The following IFT122 variants were observed in gnomAD, a reference collection of about 807,000 sequenced individuals.
The protein encoded by IFT122 is intraflagellar transport 122.
In IFT122, 118 loss-of-function variants were observed where a neutral mutation model predicts 161.6. That is an observed-to-expected ratio of 0.73 (90% CI 0.63 to 0.85). The LOEUF (loss-of-function observed/expected upper bound fraction) is 0.85. IFT122 is among the 40% of genes least tolerant of loss of function. The pLI is 0.00. For missense variants in IFT122, 1,381 were observed against 1,579.6 expected, an observed-to-expected ratio of 0.87 and a Z score of 2.13; for synonymous variants, 550 against 602.4, an observed-to-expected ratio of 0.91 and a Z score of 1.27.
In IFT122 at chr3:129,488,397, G is replaced by A. The variant is rs535606113; in HGVS notation, c.1992G>A (p.Lys664=). 4.0e-5 allele frequency: 64 copies of A among 1,614,138 alleles called. No homozygotes were observed. Among genetic ancestry groups the A allele is most frequent in the Non-Finnish European group, 4.9e-5 (58 of 1,180,022 alleles). Residue 664 remains lysine, a splice_region_variant and synonymous_variant, in exon 16 of 30, where the codon AAG becomes AAA. Coordinates refer to ENST00000348417, the MANE Select transcript of IFT122 (RefSeq NM_052989.3). The part of the protein sequence containing the change: ...LEGLDFETAK[K]AFIRVQDLRY... ...GTTTAGATTTTGAAACAGCAAAGAAGGTAAGCATCTAGCCAGCAGGAGCTG... is the reference window on the plus strand; with the variant it reads ...GTTTAGATTTTGAAACAGCAAAGAAAGTAAGCATCTAGCCAGCAGGAGCTG...
intron 3 of IFT122, among the ~76,000 whole-genome samples, chr3:129,453,512 C>G (rs2075099693): frequency 6.6e-6 from 1 of 152,102 alleles, no homozygotes; most frequent in Non-Finnish European, 1.5e-5. Context: ...GTGATTGTGT[C>G]TTTTTCTCCA....
intron 17 of IFT122, among the ~76,000 whole-genome samples, chr3:129,493,202 A>G (rs1049328992): frequency 1.3e-5 from 2 of 152,132 alleles, no homozygotes; most frequent in Non-Finnish European, 2.9e-5. Context: ...TCCTGAACAT[A>G]TTTATTGTGA....
chr3:129,501,202 GCA>G (rs577376107), intron 19 of IFT122, among the ~76,000 whole-genome samples: 95 of 152,232 alleles, frequency 6.2e-4, no homozygotes, highest in African/African-American at 2.0e-3. Flanking sequence ...TCAAGCATGT[GCA>G]CACACACGTG....
rs1166749895 is a variant in IFT122, at chr3:129,463,611, A to G, written c.401A>G (p.Lys134Arg). Reference protein sequence around the residue: ...KSVSKHKSSSKIICCSWTNDG... With the variant: ...KSVSKHKSSSRIICCSWTNDG... Reference sequence around the variant, plus strand: ...GTCTCCAAACACAAATCAAGCAGCAAGATCATCTGCTGCAGGTAAGTGCAG... The same window carrying G: ...GTCTCCAAACACAAATCAAGCAGCAGGATCATCTGCTGCAGGTAAGTGCAG... Residue 134 changes from lysine (K) to arginine (R), a missense_variant, in exon 6 of 30, where the codon AAG becomes AGG. Around this residue, in one of 7 missense-constraint regions of IFT122, gnomAD observed 544 missense variants for 648.0 expected, o/e 0.84. Transcript: ENST00000348417. 1 of 1,613,238 alleles carries G rather than the reference A, an allele frequency of 6.2e-7. No homozygotes were observed. The highest frequency in any genetic ancestry group is 8.5e-7 in the Non-Finnish European group (1 of 1,179,372).
In IFT122 at chr3:129,446,228, G is replaced by T. The variant is rs1466670046; in HGVS notation, c.42-3643G>T. 9.0e-4 allele frequency among the ~76,000 whole-genome samples: 130 copies of T among 144,228 alleles called. 1 individual carries two copies. Among genetic ancestry groups the T allele is most frequent in the East Asian group, 2.2e-3 (11 of 5,016 alleles). The allele number at this position is 144,228 out of a possible 152,430, so 94.6% of individuals were successfully genotyped here. On this transcript the variant is annotated intron_variant, in intron 1 of 29. Transcript: ENST00000348417. ...CCTTTCTGTTGAACCTAGGTTTTTT[G>T]TTTTTTTTTTTTCTGAGACAGAGTC...
intron 20 of IFT122, among the ~76,000 whole-genome samples, chr3:129,503,139 A>G (rs923730405): frequency 6.6e-6 from 1 of 152,198 alleles, no homozygotes; most frequent in South Asian, 2.1e-4. Flanking sequence ...GGTGACAGGC[A>G]CCGGGGATGT....
intron 14 of IFT122, among the ~76,000 whole-genome samples, chr3:129,481,937 G>A (rs2078701616): frequency 6.6e-6 from 1 of 152,356 alleles, no homozygotes; most frequent in East Asian, 1.9e-4. Context: ...GGAAACCGAA[G>A]GCTCTGAGCC....
chr3:129,458,542 C>A, intron 3 of IFT122, 57 bp from the exon 4 acceptor site: 1 of 1,415,804 alleles, frequency 7.1e-7, no homozygotes, highest in Non-Finnish European at 1.0e-6. Flanking sequence ...AGAATTCTCT[C>A]TGGGAAATGC....
chr3:129,470,627 A>G (rs944329790), intron 9 of IFT122, among the ~76,000 whole-genome samples: 3 of 147,912 alleles, frequency 2.0e-5, no homozygotes, highest in African/African-American at 7.5e-5. Flanking sequence ...CTGGAGTGTA[A>G]TGGCTCAATC....
chr3:129,456,614 G>A (rs1268665107), intron 3 of IFT122, among the ~76,000 whole-genome samples: 1 of 152,002 alleles, frequency 6.6e-6, no homozygotes, highest in Non-Finnish European at 1.5e-5. Context: ...TCTGGCCTGG[G>A]TGACAGAGCT....
chr3:129,519,627 C>G lies in IFT122; in HGVS notation c.3531C>G (p.Ser1177Arg). 1 of 1,613,622 alleles carries G rather than the reference C, an allele frequency of 6.2e-7. No individual in the cohort carries two copies. The highest frequency in any genetic ancestry group is 8.5e-7 in the Non-Finnish European group (1 of 1,180,032). Residue 1177 changes from serine to arginine, a missense_variant, in exon 29 of 30, where the codon AGC becomes AGG. By Grantham distance (110) the Ser-to-Arg change is moderately radical. Around this residue, in one of 7 missense-constraint regions of IFT122, gnomAD observed 177 missense variants for 199.2 expected, o/e 0.89. Coordinates refer to ENST00000348417, the MANE Select transcript of IFT122 (RefSeq NM_052989.3). ...GCCGGCTGGTGCTGCGCTCCATGAGCCGCCGGGATGTCCTCATCAAGCGAT... is the reference window on the plus strand; with the variant it reads ...GCCGGCTGGTGCTGCGCTCCATGAGGCGCCGGGATGTCCTCATCAAGCGAT... Reference protein sequence around the residue: ...VVSRLVLRSMSRRDVLIKRWP... With the variant: ...VVSRLVLRSMRRRDVLIKRWP...
Position 129,509,451 on chromosome 3 carries a change from T to A in IFT122, c.2886+1689T>A, listed in dbSNP as rs371564287. Reference sequence around the variant, plus strand: ...TTTGCAAAACTTCTTGAACCACCACTGCACTGTATGTTTGTTAGCAGTTCC... The same window carrying A: ...TTTGCAAAACTTCTTGAACCACCACAGCACTGTATGTTTGTTAGCAGTTCC... On this transcript the variant is annotated intron_variant, in intron 23 of 29. Coordinates refer to ENST00000348417, the MANE Select transcript of IFT122 (RefSeq NM_052989.3). Among the ~76,000 whole-genome samples the A allele has an allele frequency of 5.9e-5, 9 of 152,362 alleles. No individual in the cohort carries two copies. In the East Asian group the frequency reaches 1.5e-3, roughly 26 times the overall value.
intron 14 of IFT122, 71 bp from the exon 15 acceptor site, chr3:129,483,414 G>A: frequency 7.7e-7 from 1 of 1,301,816 alleles, no homozygotes; most frequent in Non-Finnish European, 1.1e-6. Flanking sequence ...GAGGGTATTG[G>A]GCTGAAATGT....
chr3:129,465,040 A>G (rs2076566046), intron 7 of IFT122, among the ~76,000 whole-genome samples: 1 of 151,994 alleles, frequency 6.6e-6, no homozygotes, highest in Non-Finnish European at 1.5e-5. Context: ...TATTTAGGAC[A>G]GGCCAAAGTG....
At chr3:129,443,887 C>T (rs1302584807) in intron 1 of IFT122, among the ~76,000 whole-genome samples, 1 of 152,144 alleles carries the variant, frequency 6.6e-6, no homozygotes, top group Admixed American at 6.5e-5. Flanking sequence ...TCAAATGAGA[C>T]ATTCAGAAAT....
intron 4 of IFT122, among the ~76,000 whole-genome samples, chr3:129,459,824 G>C (rs973572127): frequency 6.7e-6 from 1 of 148,644 alleles, no homozygotes; most frequent in African/African-American, 2.5e-5. Context: ...GTGGTAACTA[G>C]CTCACTGCAA....
chr3:129,446,975 G>C, intron 1 of IFT122, among the ~76,000 whole-genome samples: 1 of 152,142 alleles, frequency 6.6e-6, no homozygotes, highest in South Asian at 2.1e-4. Context: ...ATAGTCACCT[G>C]AACCAATGAA....
At chr3:129,446,578 A>G (rs7639790) in intron 1 of IFT122, among the ~76,000 whole-genome samples, 35,865 of 152,056 alleles carry the variant, frequency 0.24, 6,501 homozygotes, top group East Asian at 0.49. Flanking sequence ...CCTATAAGCT[A>G]GAAGCCCCCT....
At chr3:129,456,375 A>G (rs961576521) in intron 3 of IFT122, 3 of 865,858 alleles carry the variant, frequency 3.5e-6, no homozygotes, top group Non-Finnish European at 4.6e-6. Context: ...GTGGTGGCTC[A>G]TGCTTGTGAT....
Sources: gnomAD v4.1 joint callset for allele counts (sites outside exome capture counted in the v4.1 genomes callset) on GRCh38, gnomAD v4.1.1 for gene constraint, gnomAD v4.1.1 regional missense constraint, MANE v1.5 for transcripts, NCBI Gene and HGNC (gene_info 2026-07-23, HGNC 2026-07-21) for gene names.